The following HMCN1 variants were observed in gnomAD, a reference collection of about 807,000 sequenced individuals.
HMCN1 encodes the protein hemicentin-1.
A neutral mutation model predicts 625.9 loss-of-function variants in HMCN1; 321 were observed. That is an observed-to-expected ratio of 0.51 (90% CI 0.47 to 0.56). HMCN1 has a LOEUF of 0.56. Among genes scored for constraint, HMCN1 ranks in the 20% least tolerant of loss-of-function variants. The pLI is 0.00. For missense variants in HMCN1, 6,588 were observed against 6,887.3 expected (o/e 0.96, Z 1.54); for synonymous variants, 2,425 against 2,417.6 (o/e 1.00, Z -0.09).
At position 186,002,666 on chromosome 1, in the gene HMCN1, C is replaced by G. The variant is rs1361504194; in HGVS notation, c.4348+925C>G. On this transcript the variant is annotated intron_variant, in intron 28 of 106. Coordinates refer to ENST00000271588, the MANE Select transcript of HMCN1 (RefSeq NM_031935.3). ...GTGCTGATGACTCCCAATTTTTTAT[C>G]TCCAGTTCAGACTTCTTCCCTGAGC... 3.3e-5 allele frequency among the ~76,000 whole-genome samples: 5 copies of G among 152,194 alleles called. No individual in the cohort carries two copies. The East Asian group carries it at 7.7e-4, about 23-fold the overall frequency.
chr1:185,841,810 C>T (rs1251295453), intron 1 of HMCN1, among the ~76,000 whole-genome samples: 1 of 152,158 alleles, frequency 6.6e-6, no homozygotes, highest in African/African-American at 2.4e-5. Context: ...TCTATCCTAC[C>T]TACCCTATGA....
In HMCN1 at chr1:186,103,573, A is replaced by G; in HGVS notation, c.10675A>G (p.Lys3559Glu). 6.2e-7 allele frequency: 1 copy of G among 1,613,878 alleles called. No homozygotes were observed. The highest frequency in any genetic ancestry group is 8.5e-7 in the Non-Finnish European group (1 of 1,179,788). Reference sequence around the variant, plus strand: ...CATTGCTTCTGGAATCCCAGCCCCTAAAATGACCTGGATGAAAGATGGCCG... The same window carrying G: ...CATTGCTTCTGGAATCCCAGCCCCTGAAATGACCTGGATGAAAGATGGCCG... ...TCIASGIPAP[K>E]MTWMKDGRPL... Residue 3559 changes from lysine to glutamate, a missense_variant, in exon 69 of 107, where the codon AAA (lysine) becomes GAA (glutamate). By Grantham distance (56) the Lys-to-Glu change is moderately conservative. Around this residue, in one of 3 missense-constraint regions of HMCN1, gnomAD observed 4,628 missense variants for 4,853.1 expected, o/e 0.95. Coordinates refer to ENST00000271588, the MANE Select transcript of HMCN1 (RefSeq NM_031935.3).
Position 186,088,669 on chromosome 1 carries a change from C to G in HMCN1, c.9641C>G (p.Ser3214Cys). 1 of 1,611,964 alleles carries G rather than the reference C, an allele frequency of 6.2e-7. No homozygotes were observed. Among genetic ancestry groups the G allele is most frequent in the Non-Finnish European group, 8.5e-7 (1 of 1,178,824 alleles). The change falls in exon 63 of 107, where the codon TCT (serine) becomes TGT (cysteine). Residue 3214 changes from serine to cysteine, a missense_variant. Coordinates refer to ENST00000271588, the MANE Select transcript of HMCN1 (RefSeq NM_031935.3). ...SGGSKLQIAR[S>C]QHSDSGNYTC... ...GGTAGCAAACTCCAGATTGCCCGGT[C>G]TCAGCATTCAGATAGTGGAAACTAT...
At chr1:186,140,614 A>G (rs1216614034) in intron 89 of HMCN1, among the ~76,000 whole-genome samples, 2 of 152,166 alleles carry the variant, frequency 1.3e-5, no homozygotes, top group African/African-American at 2.4e-5. Flanking sequence ...TTGTAGGGAA[A>G]CTTAGAGTCT....
At chr1:185,861,522 T>C (rs900961192) in intron 2 of HMCN1, among the ~76,000 whole-genome samples, 18 of 152,182 alleles carry the variant, frequency 1.2e-4, no homozygotes, top group African/African-American at 4.1e-4. Context: ...GAATATACAA[T>C]AGGAATTTAA....
chr1:186,155,693 C>T (rs528089615), intron 97 of HMCN1, among the ~76,000 whole-genome samples: 28 of 152,280 alleles, frequency 1.8e-4, no homozygotes, highest in African/African-American at 6.3e-4. Context: ...ACTGTATGAC[C>T]TTTAAGGCCC....
chr1:185,937,995 A>C (rs1051865825), intron 11 of HMCN1, among the ~76,000 whole-genome samples: 3 of 151,196 alleles, frequency 2.0e-5, no homozygotes, highest in African/African-American at 7.3e-5. Flanking sequence ...TAGTGCAAAT[A>C]TGTAATAGAG....
chr1:186,088,188 G>A lies in HMCN1; in HGVS notation c.9489G>A (p.Glu3163=). The change falls in exon 62 of 107, where the codon GAG becomes GAA. Residue 3163 remains glutamate (E), a synonymous_variant. Coordinates refer to ENST00000271588, the MANE Select transcript of HMCN1 (RefSeq NM_031935.3). ...IEGPEREVIV[E]TISNPVTLTC... ...GACCTGAAAGAGAAGTGATTGTGGAGACGATCAGCAATCCTGTGACATTAA... is the reference window on the plus strand; with the variant it reads ...GACCTGAAAGAGAAGTGATTGTGGAAACGATCAGCAATCCTGTGACATTAA... The A allele has an allele frequency of 6.2e-7, 1 of 1,612,336 alleles. No homozygotes were observed.
chr1:186,050,023 T>C (rs896446690), intron 42 of HMCN1, among the ~76,000 whole-genome samples: 3 of 151,832 alleles, frequency 2.0e-5, no homozygotes, highest in African/African-American at 7.2e-5. Flanking sequence ...CCACTTTCCC[T>C]TCCCTTCTGT....
In HMCN1 at chr1:186,065,341, T is replaced by G. The variant is rs767702278; in HGVS notation, c.7617T>G (p.Asn2539Lys). 6.2e-7 allele frequency: 1 copy of G among 1,612,434 alleles called. No homozygotes were observed. Among genetic ancestry groups the G allele is most frequent in the Non-Finnish European group, 8.5e-7 (1 of 1,179,620 alleles). ...ISGGRFLQIT[N>K]VQVPHTGRYT... Reference sequence around the variant, plus strand: ...GTGGCCGTTTTCTTCAAATTACCAATGTCCAGGTGCCACACACTGGAAGAT... The same window carrying G: ...GTGGCCGTTTTCTTCAAATTACCAAGGTCCAGGTGCCACACACTGGAAGAT... The change falls in exon 49 of 107, where the codon AAT becomes AAG. Residue 2539 changes from asparagine (N) to lysine (K), a missense_variant. Around this residue, in one of 3 missense-constraint regions of HMCN1, gnomAD observed 4,628 missense variants for 4,853.1 expected, o/e 0.95. Transcript: ENST00000271588.
chr1:185,887,199 A>C (rs1664713452), intron 4 of HMCN1, among the ~76,000 whole-genome samples: 1 of 152,132 alleles, frequency 6.6e-6, no homozygotes, highest in South Asian at 2.1e-4. Context: ...TGCAGTACTT[A>C]CTATTTCTTC....
chr1:185,920,707 T>A (rs1412180110), intron 6 of HMCN1, among the ~76,000 whole-genome samples: 2 of 152,160 alleles, frequency 1.3e-5, no homozygotes, highest in African/African-American at 2.4e-5. Flanking sequence ...AAGTACCACA[T>A]TGTTGAAAAC....
At chr1:186,048,625 T>A in intron 41 of HMCN1, 118 bp from the exon 42 acceptor site, 1 of 711,676 alleles carries the variant, frequency 1.4e-6, no homozygotes. Context: ...ATTTTGTCTA[T>A]TTTTTATATG....
chr1:186,037,891 A>G lies in HMCN1; in HGVS notation c.5750-43A>G, dbSNP rs768266683. The G allele has an allele frequency of 9.5e-6, 11 of 1,155,804 alleles. No individual in the cohort carries two copies. In the Admixed American group the frequency reaches 1.9e-4, roughly 20 times the overall value. The allele number at this position is 1,155,804 out of a possible 1,614,324, so 71.6% of individuals were successfully genotyped here. On this transcript the variant is annotated intron_variant, in intron 36 of 106. Coordinates refer to ENST00000271588, the MANE Select transcript of HMCN1 (RefSeq NM_031935.3). ...TTGAGCAAACAATTTCAGCTTAAATATTCTACTTATAAGAAATAATTATCT... is the reference window on the plus strand; with the variant it reads ...TTGAGCAAACAATTTCAGCTTAAATGTTCTACTTATAAGAAATAATTATCT...
chr1:185,866,350 G>A (rs868634697), intron 4 of HMCN1, among the ~76,000 whole-genome samples: 38 of 146,170 alleles, frequency 2.6e-4, no homozygotes, highest in Middle Eastern at 3.7e-3. Flanking sequence ...TATATTGTAA[G>A]AAAATTTAGT....
intron 1 of HMCN1, among the ~76,000 whole-genome samples, chr1:185,739,354 T>C (rs1653817635): frequency 1.3e-5 from 2 of 152,246 alleles, no homozygotes. Flanking sequence ...TAATTTTTAC[T>C]GTGCTTTTTA....
intron 68 of HMCN1, 134 bp from the exon 69 acceptor site, chr1:186,103,338 A>G: frequency 2.8e-6 from 2 of 724,060 alleles, no homozygotes; most frequent in Non-Finnish European, 4.7e-6. Context: ...ACATCTAGGA[A>G]TTATTTCACT....
chr1:185,956,000 T>C (rs1649601548), intron 11 of HMCN1, among the ~76,000 whole-genome samples: 1 of 152,314 alleles, frequency 6.6e-6, no homozygotes, highest in Non-Finnish European at 1.5e-5. Context: ...CTTTCTGATA[T>C]TGGTCTCTTT....
chr1:185,886,591 G>GT (rs879394487), intron 4 of HMCN1, among the ~76,000 whole-genome samples: 251 of 144,124 alleles, frequency 1.7e-3, no homozygotes, highest in Middle Eastern at 3.7e-3. Context: ...AAAGCATGTA[G>GT]TTTTTTTTTT....
Sources: allele counts gnomAD v4.1 joint callset (sites outside exome capture counted in the v4.1 genomes callset), GRCh38; gene constraint gnomAD v4.1.1; regional missense constraint gnomAD v4.1.1; transcripts MANE v1.5; gene names NCBI Gene and HGNC (gene_info 2026-07-23, HGNC 2026-07-21).